SCMH1: variants seen among roughly 807,000 people sequenced by gnomAD.
SCMH1 encodes the protein polycomb protein SCMH1.
Under a neutral mutation model 70.8 loss-of-function variants are expected in SCMH1, and 37 were observed. The observed-to-expected ratio is 0.52, with a 90% CI of 0.40 to 0.69. The LOEUF is 0.69. Ranked by LOEUF, SCMH1 falls within the 30% of genes least tolerant of loss-of-function variation. SCMH1 has a pLI of 0.00. For synonymous variants in SCMH1, 292 were observed against 307.4 expected, an observed-to-expected ratio of 0.95 and a Z score of 0.52; for missense variants, 607 against 827.3, an observed-to-expected ratio of 0.73 and a Z score of 3.27.
chr1:41,081,828 A>AG, intron 8 of SCMH1, among the ~76,000 whole-genome samples: 1 of 151,756 alleles, frequency 6.6e-6, no homozygotes, highest in East Asian at 1.9e-4. Flanking sequence ...TTAAAAAAAA[A>AG]AAGACATATA....
At chr1:41,114,164 A>T (rs1457455857) in intron 7 of SCMH1, among the ~76,000 whole-genome samples, 2 of 152,174 alleles carry the variant, frequency 1.3e-5, no homozygotes, top group Non-Finnish European at 1.5e-5. Flanking sequence ...TAGGTTATAC[A>T]TCTAGGTGTA....
At chr1:41,072,366 T>C (rs1191357724) in intron 9 of SCMH1, among the ~76,000 whole-genome samples, 1 of 152,250 alleles carries the variant, frequency 6.6e-6, no homozygotes, top group East Asian at 1.9e-4. Context: ...AATGTAAACC[T>C]ATTTGAGATA....
At chr1:41,043,992 T>C (rs1018712381) in intron 12 of SCMH1, 4 of 150,750 alleles carry the variant, frequency 2.7e-5, no homozygotes, top group Non-Finnish European at 4.5e-5. Context: ...AAAGAGTTCA[T>C]GGTTGCTTAT....
At chr1:41,094,899 A>AT (rs1038543925) in intron 8 of SCMH1, among the ~76,000 whole-genome samples, 14 of 151,936 alleles carry the variant, frequency 9.2e-5, no homozygotes, top group South Asian at 2.1e-4. Context: ...AAAAAAAAAA[A>AT]AAAAATTCTT....
intron 1 of SCMH1, among the ~76,000 whole-genome samples, chr1:41,200,205 C>T (rs1396697973): frequency 6.6e-6 from 1 of 152,066 alleles, no homozygotes; most frequent in African/African-American, 2.4e-5. Flanking sequence ...TGGCCGGGTG[C>T]AGTGGCTCAT....
exon 15 of SCMH1, chr1:41,028,224 G>A: frequency 6.2e-7 from 1 of 1,614,160 alleles, no homozygotes; most frequent in Non-Finnish European, 8.5e-7. Context: ...GCCGGTCAAT[G>A]TGGTAGGAGA....
At chr1:41,159,868 G>A in intron 4 of SCMH1, 1 of 1,292,922 alleles carries the variant, frequency 7.7e-7, no homozygotes, top group African/African-American at 1.5e-5. Flanking sequence ...CTCCAAAGTT[G>A]AAAAGTATTT....
At chr1:41,119,504 C>T (rs1671392129) in intron 6 of SCMH1, among the ~76,000 whole-genome samples, 1 of 151,738 alleles carries the variant, frequency 6.6e-6, no homozygotes, top group African/African-American at 2.4e-5. Flanking sequence ...ACGTCAACCA[C>T]ATATGTGGTC....
intron 8 of SCMH1, among the ~76,000 whole-genome samples, chr1:41,106,318 TAGTG>T (rs941069085): frequency 1.3e-5 from 2 of 151,404 alleles, no homozygotes; most frequent in African/African-American, 4.9e-5. Context: ...GTCCTTGAGA[TAGTG>T]AGTGAGTTCT....
chr1:41,100,401 A>C (rs1030548733), intron 8 of SCMH1, among the ~76,000 whole-genome samples: 4 of 152,042 alleles, frequency 2.6e-5, no homozygotes, highest in Non-Finnish European at 4.4e-5. Flanking sequence ...AAATCCCCTC[A>C]TCTAGCATGG....
chr1:41,070,753 C>A (rs1656203153), intron 9 of SCMH1, 32 bp from the exon 10 acceptor site: 1 of 1,612,324 alleles, frequency 6.2e-7, no homozygotes, highest in East Asian at 2.2e-5. Flanking sequence ...AAATTGCTAC[C>A]CATGACAGGT....
intron 8 of SCMH1, among the ~76,000 whole-genome samples, chr1:41,096,259 T>C (rs937707828): frequency 6.6e-6 from 1 of 152,188 alleles, no homozygotes; most frequent in Non-Finnish European, 1.5e-5. Flanking sequence ...TTAACCTTTT[T>C]AAAAAATAGA....
intron 5 of SCMH1, 139 bp downstream of exon 5, chr1:41,151,475 G>A: frequency 1.9e-6 from 1 of 536,026 alleles, no homozygotes; most frequent in Non-Finnish European, 3.3e-6. Flanking sequence ...TACTTCTTGA[G>A]CTGTGTTCTT....
intron 2 of SCMH1, among the ~76,000 whole-genome samples, chr1:41,162,414 G>T (rs1174763070): frequency 6.6e-6 from 1 of 152,144 alleles, no homozygotes; most frequent in Non-Finnish European, 1.5e-5. Context: ...TGAACTGCCA[G>T]TCCTGCAGAC....
Position 41,113,229 on chromosome 1 carries a change from A to G in SCMH1, c.745+54T>C. The stretch of plus-strand genomic sequence containing the variant: ...AGATATGATCATGACAGCCCTGGGT[A>G]GTCTCCCTTATCATCTGGGTCCTGA... On this transcript the variant is annotated intron_variant, in intron 8 of 14. Coordinates refer to ENST00000337495, the Ensembl canonical transcript of SCMH1. This position sits in a 1 kb window ranked among gnomAD's most constrained non-coding sequence, Gnocchi z 4.3. 2 of 1,581,174 alleles carry G rather than the reference A, an allele frequency of 1.3e-6. No homozygotes were observed. The highest frequency in any genetic ancestry group is 1.7e-6 in the Non-Finnish European group (2 of 1,164,506).
At chr1:41,128,007 C>T (rs1673654770) in intron 6 of SCMH1, among the ~76,000 whole-genome samples, 2 of 152,188 alleles carry the variant, frequency 1.3e-5, no homozygotes, top group Non-Finnish European at 2.9e-5. Context: ...CAGACTACCA[C>T]ACTACCTTTA....
At chr1:41,210,672 T>G (rs1195711731) in intron 1 of SCMH1, among the ~76,000 whole-genome samples, 1 of 152,170 alleles carries the variant, frequency 6.6e-6, no homozygotes. Context: ...AAGCTGAAAC[T>G]GGATCCCTTC....
In SCMH1 at chr1:41,117,072, G is replaced by A. The variant is rs532571137; in HGVS notation, c.413-62C>T. On this transcript the variant is annotated intron_variant, in intron 6 of 14. Coordinates refer to ENST00000337495, the Ensembl canonical transcript of SCMH1. Reference sequence around the variant, plus strand: ...GTTTCAAAAATGAATGGTGATGTGGGTGGCAAGCCACCCAGGTGCCGAGGC... The same window carrying A: ...GTTTCAAAAATGAATGGTGATGTGGATGGCAAGCCACCCAGGTGCCGAGGC... 2.4e-5 allele frequency: 36 copies of A among 1,477,636 alleles called. No homozygotes were observed. The African/African-American group carries it at 3.6e-4, about 15-fold the overall frequency. 91.5% of individuals were successfully genotyped at this position (1,477,636 alleles called of 1,614,324 possible).
chr1:41,202,592 C>A (rs896678822), intron 1 of SCMH1, among the ~76,000 whole-genome samples: 5 of 152,074 alleles, frequency 3.3e-5, no homozygotes, highest in Non-Finnish European at 5.9e-5. Flanking sequence ...GGGTGTCTAA[C>A]CTTGTTAAAT....
Sources: allele counts gnomAD v4.1 joint callset (sites outside exome capture counted in the v4.1 genomes callset), GRCh38; gene constraint gnomAD v4.1.1; non-coding constraint Gnocchi (gnomAD v3.1); transcripts MANE v1.5; gene names NCBI Gene and HGNC (gene_info 2026-07-23, HGNC 2026-07-21).